Variants in NEDD4L observed in about 807,000 individuals in gnomAD.
NEDD4L encodes E3 ubiquitin-protein ligase NEDD4-like.
NEDD4L carries 54 observed loss-of-function variants against 148.9 expected under a neutral mutation model. That is an observed-to-expected ratio of 0.36 (90% CI 0.29 to 0.45). The LOEUF (loss-of-function observed/expected upper bound fraction) is 0.45. NEDD4L is among the 20% of genes least tolerant of loss of function. The pLI, the probability that NEDD4L is intolerant of heterozygous loss-of-function variation, is 1.00. For synonymous variants in NEDD4L, 433 were observed against 440.7 expected (o/e 0.98, Z 0.22); for missense variants, 856 against 1,233.8 (o/e 0.69, Z 4.59).
chr18:58,066,939 G>A (rs1163886556), intron 1 of NEDD4L, among the ~76,000 whole-genome samples: 1 of 152,140 alleles, frequency 6.6e-6, no homozygotes, highest in Non-Finnish European at 1.5e-5. Context: ...ACTGGGGATT[G>A]CAATTCCACA....
chr18:58,320,608 G>A (rs1454533773), intron 6 of NEDD4L, among the ~76,000 whole-genome samples: 1 of 152,164 alleles, frequency 6.6e-6, no homozygotes, highest in Admixed American at 6.5e-5. Context: ...GAGCTCAGGA[G>A]TTTGAGACCA....
At chr18:58,109,717 C>T (rs186851570) in intron 1 of NEDD4L, among the ~76,000 whole-genome samples, 46 of 151,738 alleles carry the variant, frequency 3.0e-4, no homozygotes, top group Middle Eastern at 3.4e-3. Context: ...ATTACAGGTG[C>T]CCCCCACCAC....
At chr18:58,106,254 G>A (rs2085065703) in intron 1 of NEDD4L, among the ~76,000 whole-genome samples, 1 of 152,260 alleles carries the variant, frequency 6.6e-6, no homozygotes, top group East Asian at 1.9e-4. Flanking sequence ...TTCACTTTGG[G>A]TTGTGGAAGT....
intron 1 of NEDD4L, among the ~76,000 whole-genome samples, chr18:58,103,081 A>G (rs1010082424): frequency 1.1e-4 from 17 of 151,720 alleles, no homozygotes; most frequent in African/African-American, 4.1e-4. Flanking sequence ...TGGTGTCGAT[A>G]CTCCCAGAAT....
chr18:58,179,585 G>A (rs193260278), intron 2 of NEDD4L, among the ~76,000 whole-genome samples: 1 of 152,094 alleles, frequency 6.6e-6, no homozygotes, highest in African/African-American at 2.4e-5. Context: ...CCCATCATTC[G>A]CATTGCTGCC....
In NEDD4L at chr18:58,195,605, G is replaced by C. The variant is rs766668743; in HGVS notation, c.122+29744G>C. ...ACTCCAGGCTGTTGGTTACCTGGCC[G>C]GGAGCTGGCGGAGACCAGGATTTCT... On this transcript the variant is annotated intron_variant, in intron 2 of 30. Coordinates refer to ENST00000400345, the MANE Select transcript of NEDD4L (RefSeq NM_001144967.3). The C allele has an allele frequency of 3.3e-5, 44 of 1,344,524 alleles. No homozygotes were observed. In the South Asian group the frequency reaches 5.0e-4, roughly 15 times the overall value. 83.3% of individuals were successfully genotyped at this position (1,344,524 alleles called of 1,614,324 possible).
intron 1 of NEDD4L, among the ~76,000 whole-genome samples, chr18:58,062,991 A>G (rs2082400795): frequency 6.7e-6 from 1 of 148,374 alleles, no homozygotes; most frequent in Admixed American, 6.7e-5. Flanking sequence ...CCATCTCAAA[A>G]AAAAAAAAAA....
At chr18:58,337,810 T>A (rs2041960273) in intron 13 of NEDD4L, among the ~76,000 whole-genome samples, 1 of 152,170 alleles carries the variant, frequency 6.6e-6, no homozygotes, top group Non-Finnish European at 1.5e-5. Context: ...TGATAGTGCT[T>A]TCATTCCTGT....
chr18:58,274,456 A>G (rs1054053380), intron 5 of NEDD4L, among the ~76,000 whole-genome samples: 10 of 152,332 alleles, frequency 6.6e-5, no homozygotes, highest in Admixed American at 2.6e-4. Flanking sequence ...GAGGGCAGCC[A>G]TGCACAGGTT....
At chr18:58,176,935 G>A (rs1447394855) in intron 2 of NEDD4L, among the ~76,000 whole-genome samples, 1 of 152,156 alleles carries the variant, frequency 6.6e-6, no homozygotes, top group Non-Finnish European at 1.5e-5. Context: ...TTGTTAATCT[G>A]GTCAGAGTGC....
intron 16 of NEDD4L, among the ~76,000 whole-genome samples, chr18:58,349,318 A>C: frequency 6.6e-6 from 1 of 151,074 alleles, no homozygotes; most frequent in Non-Finnish European, 1.5e-5. Flanking sequence ...AAATATTCTT[A>C]CTCTCCTCTC....
intron 2 of NEDD4L, among the ~76,000 whole-genome samples, chr18:58,229,565 C>G (rs1026200806): frequency 6.6e-6 from 1 of 152,180 alleles, no homozygotes; most frequent in Non-Finnish European, 1.5e-5. Context: ...TCTCATTCCA[C>G]GTCAGCTGCA....
chr18:58,109,283 G>A (rs993252364), intron 1 of NEDD4L, among the ~76,000 whole-genome samples: 3 of 152,186 alleles, frequency 2.0e-5, no homozygotes, highest in Admixed American at 1.3e-4. Context: ...GGCTACTTTT[G>A]GATTTATGCC....
intron 5 of NEDD4L, among the ~76,000 whole-genome samples, chr18:58,254,469 C>A (rs1259234532): frequency 2.7e-5 from 4 of 150,662 alleles, no homozygotes; most frequent in Non-Finnish European, 5.9e-5. Context: ...ATATTTGTGT[C>A]CCAACTGTGG....
chr18:58,293,329 A>G (rs2055047707), intron 5 of NEDD4L, among the ~76,000 whole-genome samples: 1 of 152,232 alleles, frequency 6.6e-6, no homozygotes, highest in Non-Finnish European at 1.5e-5. Flanking sequence ...TCTTGGGAAA[A>G]TCAATGCCAA....
chr18:58,296,018 G>A (rs1291603770), intron 5 of NEDD4L, among the ~76,000 whole-genome samples: 1 of 152,174 alleles, frequency 6.6e-6, no homozygotes, highest in Non-Finnish European at 1.5e-5. Flanking sequence ...ACACCAAAAG[G>A]CTTTGGGCAA....
intron 2 of NEDD4L, among the ~76,000 whole-genome samples, chr18:58,183,907 C>T (rs559475): frequency 0.092 from 13,933 of 152,178 alleles, 1,882 homozygotes; most frequent in African/African-American, 0.3. Flanking sequence ...TGGTGGCTCA[C>T]GCCTGTAATC....
At chr18:58,125,358 GGTGT>G (rs34644275) in intron 1 of NEDD4L, among the ~76,000 whole-genome samples, 299 of 148,490 alleles carry the variant, frequency 2.0e-3, no homozygotes, top group Middle Eastern at 6.8e-3. Flanking sequence ...CCACCAGGAG[GGTGT>G]GTGTGTGTGT....
chr18:58,307,597 C>A (rs1009973930), intron 5 of NEDD4L, among the ~76,000 whole-genome samples: 1 of 152,194 alleles, frequency 6.6e-6, no homozygotes, highest in Non-Finnish European at 1.5e-5. Context: ...AACCACACGG[C>A]ACTTCCATTC....
Sources: allele counts gnomAD v4.1 joint callset (sites outside exome capture counted in the v4.1 genomes callset), GRCh38; gene constraint gnomAD v4.1.1; transcripts MANE v1.5; gene names NCBI Gene and HGNC (gene_info 2026-07-23, HGNC 2026-07-21).